MTFR1: variants seen among roughly 807,000 people sequenced by gnomAD.
The protein encoded by MTFR1 is chondrocyte protein with a poly-proline region.
In MTFR1, 28 loss-of-function variants were observed where a neutral mutation model predicts 38.8. The ratio of observed to expected loss-of-function variants is 0.72; its 90% CI spans 0.53 to 0.99. The LOEUF (loss-of-function observed/expected upper bound fraction) is 0.99, where lower values mean the gene tolerates loss of function less well. MTFR1 is among the 50% of genes least tolerant of loss of function. The pLI is 0.00. For missense variants in MTFR1, 358 were observed against 395.5 expected (o/e 0.91, Z 0.81); for synonymous variants, 145 against 137.0 (o/e 1.06, Z -0.41).
upstream of MTFR1, among the ~76,000 whole-genome samples, chr8:65,644,375 C>T (rs907554388): frequency 6.6e-6 from 1 of 152,190 alleles, no homozygotes; most frequent in African/African-American, 2.4e-5. Context: ...ATGGGCTCCA[C>T]ATGTTAGGTT....
intron 2 of MTFR1, among the ~76,000 whole-genome samples, chr8:65,678,387 G>A (rs1478798967): frequency 6.6e-6 from 1 of 152,044 alleles, no homozygotes; most frequent in Non-Finnish European, 1.5e-5. Flanking sequence ...TCCAATAAAG[G>A]TTATGGCTCT....
At chr8:65,672,652 A>G (rs761670423) in intron 2 of MTFR1, among the ~76,000 whole-genome samples, 2 of 152,208 alleles carry the variant, frequency 1.3e-5, no homozygotes, top group East Asian at 3.8e-4. Flanking sequence ...CTGAGATTAC[A>G]GGTGTGTGCC....
chr8:65,699,751 G>A (rs773226225), intron 4 of MTFR1, among the ~76,000 whole-genome samples: 2 of 152,124 alleles, frequency 1.3e-5, no homozygotes, highest in Non-Finnish European at 2.9e-5. Context: ...CATCTTCCCC[G>A]AATGGAATCT....
chr8:65,742,075 A>AAG (rs1491112141), intron 3 of MTFR1, among the ~76,000 whole-genome samples: 2 of 152,260 alleles, frequency 1.3e-5, no homozygotes, highest in Admixed American at 6.5e-5. Context: ...ATTTCAAAAC[A>AAG]AGAGATGCTC....
chr8:65,776,684 T>C, the MTFR1 span, among the ~76,000 whole-genome samples: 2 of 152,214 alleles, frequency 1.3e-5, no homozygotes, highest in Admixed American at 1.3e-4. Context: ...ATATATTATG[T>C]TAATTTTGTC....
chr8:65,698,154 C>CTTT (rs201836617), intron 4 of MTFR1, among the ~76,000 whole-genome samples: 2 of 128,614 alleles, frequency 1.6e-5, no homozygotes, highest in South Asian at 2.4e-4. Flanking sequence ...TTTTTTTTTT[C>CTTT]TTTTTTTTTT....
At chr8:65,677,002 T>C (rs1305205652) in intron 2 of MTFR1, among the ~76,000 whole-genome samples, 4 of 151,962 alleles carry the variant, frequency 2.6e-5, no homozygotes, top group Non-Finnish European at 5.9e-5. Flanking sequence ...ACAGATTCAC[T>C]GTTAGATTAT....
intron 1 of MTFR1, among the ~76,000 whole-genome samples, chr8:65,663,811 TA>T (rs1804285745): frequency 6.9e-6 from 1 of 145,946 alleles, no homozygotes. Flanking sequence ...TTCTTTTTTT[TA>T]ATTTCTTTTC....
chr8:65,687,521 A>G (rs1805124432), intron 3 of MTFR1, among the ~76,000 whole-genome samples: 2 of 151,666 alleles, frequency 1.3e-5, no homozygotes, highest in African/African-American at 2.4e-5. Context: ...AATTTTTTGT[A>G]TTTTTAGTAG....
intron 3 of MTFR1, among the ~76,000 whole-genome samples, chr8:65,687,391 G>A (rs965151010): frequency 6.7e-6 from 1 of 149,082 alleles, no homozygotes; most frequent in African/African-American, 2.5e-5. Flanking sequence ...TGTCACCCAG[G>A]CTGGAGTGCA....
At chr8:65,757,907 A>T (rs545752814) in intron 3 of MTFR1, among the ~76,000 whole-genome samples, 1 of 152,070 alleles carries the variant, frequency 6.6e-6, no homozygotes, top group African/African-American at 2.4e-5. Flanking sequence ...GTGAGCCACC[A>T]CACCCAGCCA....
chr8:65,767,743 G>A (rs1483308353), intron 3 of MTFR1, among the ~76,000 whole-genome samples: 1 of 152,116 alleles, frequency 6.6e-6, no homozygotes, highest in Non-Finnish European at 1.5e-5. Context: ...GGGAAGGCAT[G>A]GAAGTTCTGC....
At chr8:65,653,230 C>A (rs200356684) in intron 1 of MTFR1, among the ~76,000 whole-genome samples, 1 of 151,984 alleles carries the variant, frequency 6.6e-6, no homozygotes, top group Non-Finnish European at 1.5e-5. Context: ...TATTTAAGAT[C>A]GAGCACAGTG....
At chr8:65,708,494 A>T (rs1002493233) in intron 7 of MTFR1, among the ~76,000 whole-genome samples, 2 of 152,158 alleles carry the variant, frequency 1.3e-5, no homozygotes, top group African/African-American at 4.8e-5. Context: ...TGGGCCTTGG[A>T]GGATGTGTAC....
intron 3 of MTFR1, among the ~76,000 whole-genome samples, chr8:65,691,138 A>G (rs1207010521): frequency 1.3e-5 from 2 of 152,142 alleles, no homozygotes; most frequent in Admixed American, 1.3e-4. Context: ...TTGATCTTAT[A>G]CCTTGAGAAT....
rs373800512 is a variant in MTFR1 at position 65,708,055 on chromosome 8, A to G, written c.933+44A>G. 9 of 1,607,382 alleles carry G rather than the reference A, an allele frequency of 5.6e-6. No individual in the cohort carries two copies. Among genetic ancestry groups the G allele is most frequent in the Non-Finnish European group, 7.6e-6 (9 of 1,179,898 alleles). On this transcript the variant is annotated intron_variant, in intron 7 of 7. Transcript: ENST00000262146. ...TTTCTTTCCTGTTATGTAGAAATCC[A>G]TCCCATTGCCAAGCACTTGCATTTT...
At chr8:65,693,801 T>G in intron 4 of MTFR1, 42 bp downstream of exon 4, 1 of 1,439,710 alleles carries the variant, frequency 6.9e-7, no homozygotes, top group Middle Eastern at 1.7e-4. Flanking sequence ...CAATATCTAT[T>G]TTTTTAAAGA....
At chr8:65,645,911 T>C (rs1288310745) in intron 1 of MTFR1, among the ~76,000 whole-genome samples, 1 of 152,220 alleles carries the variant, frequency 6.6e-6, no homozygotes, top group Non-Finnish European at 1.5e-5. Flanking sequence ...TCATGATGAA[T>C]AATCATACAT....
chr8:65,693,788 A>G lies in MTFR1; in HGVS notation c.281+29A>G, dbSNP rs372700791. The G allele has an allele frequency of 2.0e-6, 3 of 1,505,178 alleles. No individual in the cohort carries two copies. In the African/African-American group the frequency reaches 4.1e-5, roughly 21 times the overall value. The allele number at this position is 1,505,178 out of a possible 1,614,324, so 93.2% of individuals were successfully genotyped here. A position where few individuals can be genotyped will look rare whatever the true frequency, so the allele number is the denominator to read the frequency against. On this transcript the variant is annotated intron_variant, in intron 4 of 7. Transcript: ENST00000262146. ...AGTTTGGAAGGCTATCAGAACTGAG[A>G]TGCAATATCTATTTTTTTAAAGAAT...
Sources: allele counts gnomAD v4.1 joint callset (sites outside exome capture counted in the v4.1 genomes callset), GRCh38; gene constraint gnomAD v4.1.1; transcripts MANE v1.5; gene names NCBI Gene and HGNC (gene_info 2026-07-23, HGNC 2026-07-21).